Variants in DMD observed in about 807,000 individuals in gnomAD.
DMD encodes mutant dystrophin.
A neutral mutation model predicts 330.1 loss-of-function variants in DMD; 63 were observed. The ratio of observed to expected loss-of-function variants is 0.19; its 90% confidence interval spans 0.16 to 0.24. The LOEUF (loss-of-function observed/expected upper bound fraction) is 0.24. Ranked by LOEUF, DMD falls within the 10% of genes least tolerant of loss-of-function variation. The pLI is 1.00. For missense variants in DMD, 3,344 were observed against 2,684.1 expected (o/e 1.25, Z -5.43); for synonymous variants, 1,223 against 959.8 (o/e 1.27, Z -5.07).
chrX:32,412,937 C>G (rs1248401423), intron 29 of DMD, among the ~76,000 whole-genome samples: 2 of 110,740 alleles, frequency 1.8e-5, no homozygotes, highest in African/African-American at 6.6e-5. Context: ...TGAAGCCAGC[C>G]TATAACACAG....
At chrX:32,515,663 T>C (rs1299711904) in intron 18 of DMD, among the ~76,000 whole-genome samples, 2 of 111,995 alleles carry the variant, frequency 1.8e-5, no homozygotes, top group East Asian at 5.6e-4. Flanking sequence ...ACTAAAAGAA[T>C]GTGAGAGGTA....
At chrX:31,662,029 A>G (rs1288733653) in intron 53 of DMD, among the ~76,000 whole-genome samples, 1 of 111,857 alleles carries the variant, frequency 8.9e-6, no homozygotes, top group Non-Finnish European at 1.9e-5. Flanking sequence ...ACATGGTAGA[A>G]AAGAGAGGAG....
At chrX:32,788,993 T>C (rs928724752) in intron 7 of DMD, among the ~76,000 whole-genome samples, 2 of 111,404 alleles carry the variant, frequency 1.8e-5, no homozygotes, top group Non-Finnish European at 3.8e-5. Flanking sequence ...AGAAATAAAT[T>C]AAAGAACAAA....
chrX:31,414,878 T>C (rs1335817915), intron 60 of DMD, among the ~76,000 whole-genome samples: 1 of 112,311 alleles, frequency 8.9e-6, no homozygotes, highest in Non-Finnish European at 1.9e-5. Flanking sequence ...TCTTTATATC[T>C]AAGGTGCTGC....
chrX:33,079,036 C>T (rs1027463288), intron 1 of DMD, among the ~76,000 whole-genome samples: 1 of 104,575 alleles, frequency 9.6e-6, no homozygotes, highest in African/African-American at 3.4e-5. Context: ...GGTATTAAAA[C>T]CATTTTTTTT....
chrX:32,484,690 C>A (rs1417614879), intron 21 of DMD, among the ~76,000 whole-genome samples: 3 of 111,950 alleles, frequency 2.7e-5, no homozygotes, highest in Non-Finnish European at 5.6e-5. Context: ...AGAAGCTATT[C>A]CCATACAAAA....
intron 1 of DMD, among the ~76,000 whole-genome samples, chrX:33,226,221 A>T (rs752174973): frequency 9.0e-6 from 1 of 111,600 alleles, no homozygotes; most frequent in African/African-American, 3.2e-5. Flanking sequence ...ATTCCATGGC[A>T]TTAATCCCAG....
intron 48 of DMD, among the ~76,000 whole-genome samples, chrX:31,839,339 T>C (rs961426248): frequency 8.9e-6 from 1 of 112,090 alleles, no homozygotes; most frequent in Non-Finnish European, 1.9e-5. Flanking sequence ...GCCTAACACA[T>C]AGTAAGTGCT....
chrX:31,635,822 T>TA (rs763131588), intron 54 of DMD, among the ~76,000 whole-genome samples: 2 of 111,460 alleles, frequency 1.8e-5, no homozygotes, highest in East Asian at 5.6e-4. Context: ...AAAGAAAACA[T>TA]ACATGCGACC....
At chrX:32,689,336 A>G (rs905218672) in intron 9 of DMD, among the ~76,000 whole-genome samples, 2 of 111,200 alleles carry the variant, frequency 1.8e-5, no homozygotes, top group African/African-American at 6.5e-5. Context: ...AAATTCCTAG[A>G]AACATAAAAC....
chrX:32,302,563 G>A lies in DMD; in HGVS notation c.6117+7519C>T, dbSNP rs370217544. 1.7e-3 allele frequency among the ~76,000 whole-genome samples: 190 copies of A among 111,089 alleles called. 1 individual carries two copies. Among genetic ancestry groups the A allele is most frequent in the Non-Finnish European group, 3.0e-3 (156 of 52,621 alleles). On this transcript the variant is annotated intron_variant, in intron 42 of 78. Coordinates refer to ENST00000357033, the MANE Select transcript of DMD (RefSeq NM_004006.3). Reference sequence around the variant, plus strand: ...TTGCCACATCTGGAAATAACTTTACGTATATTTTATGTGGTTAACATTTTA... The same window carrying A: ...TTGCCACATCTGGAAATAACTTTACATATATTTTATGTGGTTAACATTTTA...
intron 2 of DMD, among the ~76,000 whole-genome samples, chrX:32,865,919 T>C (rs1569536478): frequency 8.9e-6 from 1 of 112,402 alleles, no homozygotes; most frequent in Non-Finnish European, 1.9e-5. Context: ...AGCATTGCTG[T>C]TCTTCTCATG....
intron 1 of DMD, among the ~76,000 whole-genome samples, chrX:33,094,858 G>A (rs2095135843): frequency 9.1e-6 from 1 of 110,117 alleles, no homozygotes; most frequent in African/African-American, 3.3e-5. Context: ...TCATGTAGTT[G>A]GGATCAAGGG....
intron 27 of DMD, among the ~76,000 whole-genome samples, chrX:32,445,340 C>A (rs1200979753): frequency 9.1e-6 from 1 of 110,041 alleles, no homozygotes; most frequent in Non-Finnish European, 1.9e-5. Context: ...CAGTTGTGAG[C>A]AGCAAAAAAA....
rs749902277 is a variant in DMD, at chrX:31,180,506, G to A, written c.9975-25C>T. 14 of 974,114 alleles carry A rather than the reference G, an allele frequency of 1.4e-5. No homozygotes were observed. The Admixed American group carries it at 2.6e-4, about 18-fold the overall frequency. 80.3% of individuals were successfully genotyped at this position (974,114 alleles called of 1,213,427 possible). A position where few individuals can be genotyped will look rare whatever the true frequency, so the allele number is the denominator to read the frequency against. On this transcript the variant is annotated intron_variant, in intron 68 of 78. Coordinates refer to ENST00000357033, the MANE Select transcript of DMD (RefSeq NM_004006.3). ...CCTGATAAAGAGCAAAAACAAACAC[G>A]TATGTATTTCTTCGAATCAAATTCC...
chrX:31,252,066 ATAT>A (rs1174390361), intron 63 of DMD, among the ~76,000 whole-genome samples: 2 of 112,566 alleles, frequency 1.8e-5, no homozygotes, highest in Non-Finnish European at 3.7e-5. Flanking sequence ...ACAAGAAAAA[ATAT>A]TATAATATTT....
At chrX:33,167,322 T>A (rs2049106368) in intron 1 of DMD, among the ~76,000 whole-genome samples, 2 of 111,526 alleles carry the variant, frequency 1.8e-5, no homozygotes, top group Non-Finnish European at 3.8e-5. Flanking sequence ...CAGGGAGGAC[T>A]GTTCATAGAA....
chrX:31,775,418 C>T (rs757283961), intron 50 of DMD, among the ~76,000 whole-genome samples: 1 of 110,907 alleles, frequency 9.0e-6, no homozygotes, highest in South Asian at 3.9e-4. Context: ...CCGTGTGTGG[C>T]CCTATATTGA....
intron 47 of DMD, among the ~76,000 whole-genome samples, chrX:31,885,037 A>C (rs1285685175): frequency 9.0e-6 from 1 of 111,528 alleles, no homozygotes; most frequent in Non-Finnish European, 1.9e-5. Context: ...AGCAACAATA[A>C]AATTACTATT....
Sources: gnomAD v4.1 joint callset for allele counts (sites outside exome capture counted in the v4.1 genomes callset) on GRCh38, gnomAD v4.1.1 for gene constraint, MANE v1.5 for transcripts, NCBI Gene and HGNC (gene_info 2026-07-23, HGNC 2026-07-21) for gene names.